EPHA6: variants seen among roughly 807,000 people sequenced by gnomAD.
EPHA6 encodes ephrin type-A receptor 6.
Under a neutral mutation model 112.0 loss-of-function variants are expected in EPHA6, and 50 were observed. The ratio of observed to expected loss-of-function variants is 0.45; its 90% CI spans 0.36 to 0.56. The LOEUF (loss-of-function observed/expected upper bound fraction) is 0.56, where lower values mean the gene tolerates loss of function less well. Ranked by LOEUF, EPHA6 falls within the 20% of genes least tolerant of loss-of-function variation. EPHA6 has a pLI of 0.00. For missense variants in EPHA6, 1,280 were observed against 1,417.4 expected, an observed-to-expected ratio of 0.90 and a Z score of 1.56; for synonymous variants, 529 against 490.7, an observed-to-expected ratio of 1.08 and a Z score of -1.03.
At chr3:97,298,965 A>G (rs1031828148) in intron 5 of EPHA6, among the ~76,000 whole-genome samples, 8 of 152,186 alleles carry the variant, frequency 5.3e-5, no homozygotes, top group Admixed American at 1.3e-4. Context: ...TGAAAAAATC[A>G]TTGCATTTTT....
chr3:97,473,758 G>A (rs17701733), intron 7 of EPHA6, among the ~76,000 whole-genome samples: 5,281 of 151,656 alleles, frequency 0.035, 130 homozygotes, highest in Middle Eastern at 0.071. Context: ...CCATGATATC[G>A]GTGCTATTTT....
At chr3:97,442,421 A>G (rs572826810) in intron 6 of EPHA6, among the ~76,000 whole-genome samples, 188 of 152,258 alleles carry the variant, frequency 1.2e-3, no homozygotes, top group African/African-American at 4.3e-3. Flanking sequence ...CCCCGTTTCT[A>G]CTAAAAATAC....
At chr3:97,268,074 A>G (rs895198372) in intron 5 of EPHA6, among the ~76,000 whole-genome samples, 1 of 152,222 alleles carries the variant, frequency 6.6e-6, no homozygotes, top group African/African-American at 2.4e-5. Context: ...GATTCATCAT[A>G]CAAAGAGTGT....
intron 3 of EPHA6, among the ~76,000 whole-genome samples, chr3:97,041,563 T>G (rs1351813679): frequency 6.6e-6 from 1 of 152,120 alleles, no homozygotes; most frequent in Non-Finnish European, 1.5e-5. Context: ...AATCCAGATG[T>G]TTGCCTTTTT....
chr3:96,935,092 G>T (rs2040511606), intron 2 of EPHA6, among the ~76,000 whole-genome samples: 1 of 151,620 alleles, frequency 6.6e-6, no homozygotes, highest in Non-Finnish European at 1.5e-5. Flanking sequence ...TAGATTAATG[G>T]TTACTGTTTT....
At chr3:97,218,919 C>A (rs561969130) in intron 3 of EPHA6, among the ~76,000 whole-genome samples, 23 of 152,076 alleles carry the variant, frequency 1.5e-4, no homozygotes, top group African/African-American at 5.3e-4. Context: ...GGTAAATACA[C>A]CCATTCCAAA....
At chr3:97,297,346 T>C (rs920840123) in intron 5 of EPHA6, among the ~76,000 whole-genome samples, 2 of 152,208 alleles carry the variant, frequency 1.3e-5, no homozygotes, top group Non-Finnish European at 2.9e-5. Flanking sequence ...GCTTACTTAT[T>C]CATTATTTTG....
intron 3 of EPHA6, among the ~76,000 whole-genome samples, chr3:97,141,718 C>CA (rs928869627): frequency 1.4e-4 from 21 of 150,824 alleles, no homozygotes; most frequent in Non-Finnish European, 1.9e-4. Context: ...ATGCCTACAT[C>CA]AAAAAAAATA....
chr3:97,731,198 A>G (rs1338198572), intron 15 of EPHA6, among the ~76,000 whole-genome samples: 3 of 152,102 alleles, frequency 2.0e-5, no homozygotes, highest in African/African-American at 7.2e-5. Context: ...ATTTTGAGCA[A>G]CAGGAAAGGC....
At chr3:97,180,980 A>C (rs374688386) in intron 3 of EPHA6, among the ~76,000 whole-genome samples, 131 of 151,354 alleles carry the variant, frequency 8.7e-4, no homozygotes, top group African/African-American at 2.8e-3. Flanking sequence ...ACTACCTTTC[A>C]AGTTTACTTG....
At chr3:97,516,269 G>A (rs1246548842) in intron 10 of EPHA6, among the ~76,000 whole-genome samples, 2 of 152,166 alleles carry the variant, frequency 1.3e-5, no homozygotes, top group East Asian at 1.9e-4. Context: ...AGAAATGGAA[G>A]CCCTAACTTC....
intron 10 of EPHA6, among the ~76,000 whole-genome samples, chr3:97,489,951 T>G (rs939233907): frequency 2.6e-5 from 4 of 152,158 alleles, no homozygotes; most frequent in Admixed American, 1.3e-4. Context: ...ATTTCATGAG[T>G]GTTTACCTGC....
At chr3:96,964,886 C>T (rs2042068531) in intron 2 of EPHA6, among the ~76,000 whole-genome samples, 1 of 152,128 alleles carries the variant, frequency 6.6e-6, no homozygotes, top group Admixed American at 6.6e-5. Context: ...AAAAGAAAAA[C>T]TTCAGCTGAA....
chr3:97,549,059 T>C (rs1206676652), intron 11 of EPHA6, among the ~76,000 whole-genome samples: 1 of 152,214 alleles, frequency 6.6e-6, no homozygotes, highest in African/African-American at 2.4e-5. Flanking sequence ...GCATATACAA[T>C]TATACACTGT....
At chr3:96,974,730 A>G (rs2042453819) in intron 2 of EPHA6, among the ~76,000 whole-genome samples, 1 of 152,114 alleles carries the variant, frequency 6.6e-6, no homozygotes, top group Non-Finnish European at 1.5e-5. Flanking sequence ...ATATGAGGAA[A>G]TTTTGCCAGA....
chr3:96,980,478 G>T (rs1251022753), intron 2 of EPHA6, among the ~76,000 whole-genome samples: 1 of 152,188 alleles, frequency 6.6e-6, no homozygotes, highest in Admixed American at 6.5e-5. Flanking sequence ...TTTGAAGTCA[G>T]GTAGCATGAT....
chr3:97,299,715 A>G (rs1309213116), intron 5 of EPHA6, among the ~76,000 whole-genome samples: 1 of 152,176 alleles, frequency 6.6e-6, no homozygotes, highest in Non-Finnish European at 1.5e-5. Context: ...TAATTTTGTT[A>G]GTTAAAAAGG....
At chr3:97,652,665 G>A (rs2094115179) in intron 14 of EPHA6, among the ~76,000 whole-genome samples, 1 of 151,958 alleles carries the variant, frequency 6.6e-6, no homozygotes, top group Non-Finnish European at 1.5e-5. Flanking sequence ...AATGCTTGGA[G>A]CTGTGACAGC....
Position 97,760,420 on chromosome 3 carries a change from C to G in EPHA6, c.*11719C>G, listed in dbSNP as rs566263273. 1 of 167,130 alleles carries G rather than the reference C, an allele frequency of 6.0e-6. No individual in the cohort carries two copies. The highest frequency in any genetic ancestry group is 2.4e-5 in the African/African-American group (1 of 41,330). The allele number at this position is 167,130 out of a possible 1,614,324, so 10.4% of individuals were successfully genotyped here. On this transcript the variant is annotated 3_prime_UTR_variant, in exon 18 of 18. Coordinates refer to ENST00000389672, the MANE Select transcript of EPHA6 (RefSeq NM_001080448.3). ...TGTGTATGTGTGTATATATATCTCT[C>G]TAGGTTGTATGTAATTCAATATGTT...
Sources: gnomAD v4.1 joint callset for allele counts (sites outside exome capture counted in the v4.1 genomes callset) on GRCh38, gnomAD v4.1.1 for gene constraint, MANE v1.5 for transcripts, NCBI Gene and HGNC (gene_info 2026-07-23, HGNC 2026-07-21) for gene names.